Variants in TSTD2 observed in about 807,000 individuals in gnomAD.
The protein encoded by TSTD2 is thiosulfate sulfurtransferase/rhodanese-like domain-containing protein 2.
In TSTD2, 37 loss-of-function variants were observed where a neutral mutation model predicts 47.9. The ratio of observed to expected loss-of-function variants is 0.77; its 90% confidence interval spans 0.59 to 1.02. The LOEUF (loss-of-function observed/expected upper bound fraction) is 1.02. TSTD2 is among the 50% of genes least tolerant of loss of function. The pLI, the probability that TSTD2 is intolerant of heterozygous loss-of-function variation, is 0.00. For synonymous variants in TSTD2, 201 were observed against 215.9 expected (o/e 0.93, Z 0.61); for missense variants, 586 against 616.0 (o/e 0.95, Z 0.52).
At chr9:97,624,322 G>A (rs955939713) in intron 3 of TSTD2, among the ~76,000 whole-genome samples, 1 of 151,852 alleles carries the variant, frequency 6.6e-6, no homozygotes, top group Non-Finnish European at 1.5e-5. Flanking sequence ...GGCAGCCTAT[G>A]AAGAGACCCC....
At chr9:97,610,707 G>A (rs1011697138) in intron 5 of TSTD2, 5 of 267,462 alleles carry the variant, frequency 1.9e-5, no homozygotes, top group South Asian at 1.3e-4. Flanking sequence ...CTGCAACACC[G>A]CTGAGCAATT....
chr9:97,626,501 G>A (rs928987533), intron 2 of TSTD2, among the ~76,000 whole-genome samples: 1 of 152,040 alleles, frequency 6.6e-6, no homozygotes, highest in Non-Finnish European at 1.5e-5. Context: ...AAAAAGACCA[G>A]GAAGAAACGT....
At position 97,633,338 on chromosome 9, in the gene TSTD2, G is replaced by C. The variant is rs919640238; in HGVS notation, c.-146C>G. The stretch of plus-strand genomic sequence containing the variant: ...CCGCCCTCGAGCCTATTCCCCCGCC[G>C]CGTATTTGGGTAGAAAAGCTCGCTC... On this transcript the variant is annotated 5_prime_UTR_variant, in exon 1 of 10. Transcript: ENST00000341170. 5.7e-6 allele frequency: 2 copies of C among 352,830 alleles called. No individual in the cohort carries two copies. Among genetic ancestry groups the C allele is most frequent in the Non-Finnish European group, 1.0e-5 (2 of 197,048 alleles). 21.9% of individuals were successfully genotyped at this position (352,830 alleles called of 1,614,324 possible).
At chr9:97,616,876 CCTTA>C (rs1387209347) in intron 4 of TSTD2, among the ~76,000 whole-genome samples, 1 of 152,146 alleles carries the variant, frequency 6.6e-6, no homozygotes, top group African/African-American at 2.4e-5. Context: ...CCTAGATAAT[CCTTA>C]CTAACATTTT....
chr9:97,611,760 G>A (rs1826464758), intron 4 of TSTD2, 61 bp from the exon 5 acceptor site: 1 of 1,549,680 alleles, frequency 6.5e-7, no homozygotes, highest in Admixed American at 1.7e-5. Context: ...TCTTTCCAGG[G>A]AAGAACAATA....
rs1826452043 is a variant in TSTD2, at chr9:97,611,166, G to C, written c.729+408C>G. ...TTAAAGGGGAAAGGGGGCAGGTGCG[G>C]TATCTCACGTCCATATCTCAGCACT... On this transcript the variant is annotated intron_variant, in intron 5 of 9. Coordinates refer to ENST00000341170, the MANE Select transcript of TSTD2 (RefSeq NM_139246.5). 2.5e-5 allele frequency: 4 copies of C among 161,348 alleles called. No individual in the cohort carries two copies. The South Asian group carries it at 6.6e-4, about 27-fold the overall frequency. 10.0% of individuals were successfully genotyped at this position (161,348 alleles called of 1,614,324 possible).
Position 97,600,829 on chromosome 9 carries a change from G to C in TSTD2, c.*1640C>G, listed in dbSNP as rs1188607120. 1.9e-6 allele frequency: 2 copies of C among 1,075,206 alleles called. No homozygotes were observed. Among genetic ancestry groups the C allele is most frequent in the African/African-American group, 3.4e-5 (2 of 59,266 alleles). 66.6% of individuals were successfully genotyped at this position (1,075,206 alleles called of 1,614,324 possible). A position where few individuals can be genotyped will look rare whatever the true frequency, so the allele number is the denominator to read the frequency against. Reference sequence around the variant, plus strand: ...GCCAGATCTCTTTTTAACATCATGTGCGTCTCTTGGGATCCAGCAAAAGTG... The same window carrying C: ...GCCAGATCTCTTTTTAACATCATGTCCGTCTCTTGGGATCCAGCAAAAGTG... On this transcript the variant is annotated 3_prime_UTR_variant, in exon 10 of 10. Coordinates refer to ENST00000341170, the MANE Select transcript of TSTD2 (RefSeq NM_139246.5).
intron 4 of TSTD2, among the ~76,000 whole-genome samples, 187 bp downstream of exon 4, chr9:97,617,570 C>T (rs1368221737): frequency 1.3e-5 from 2 of 152,192 alleles, no homozygotes; most frequent in Non-Finnish European, 2.9e-5. Flanking sequence ...TGGTTTATGC[C>T]AGTAAATATT....
At position 97,627,480 on chromosome 9, in the gene TSTD2, A is replaced by T. The variant is rs773766866; in HGVS notation, c.83T>A (p.Met28Lys). The change falls in exon 2 of 10, where the codon ATG becomes AAG. Residue 28 changes from methionine (M) to lysine (K), a missense_variant. Transcript: ENST00000341170. ...ACTGCTGCTGGGATTAATAAGACTC[A>T]TATCTTTTAAATCCAGGTCAGAAAA... ...LRFSDLDLKD[M>K]SLINPSSSLK... 6.2e-7 allele frequency: 1 copy of T among 1,613,786 alleles called. No homozygotes were observed. Among genetic ancestry groups the T allele is most frequent in the South Asian group, 1.1e-5 (1 of 91,056 alleles).
intron 3 of TSTD2, among the ~76,000 whole-genome samples, chr9:97,622,028 G>T (rs1116208): frequency 6.6e-6 from 1 of 151,934 alleles, no homozygotes; most frequent in African/African-American, 2.4e-5. Flanking sequence ...AAATTTCTCT[G>T]TTTTGTACTC....
In TSTD2 at chr9:97,602,301, A is replaced by G. The variant is rs1826274572; in HGVS notation, c.*168T>C. 2 of 740,348 alleles carry G rather than the reference A, an allele frequency of 2.7e-6. No homozygotes were observed. The highest frequency in any genetic ancestry group is 2.0e-5 in the South Asian group (1 of 49,964). 45.9% of individuals were successfully genotyped at this position (740,348 alleles called of 1,614,324 possible). ...AGAATGTCTCAGGTAAGTGGTAGACAACGTGACTCCTCCCCTCCCGCTGTG... is the reference window on the plus strand; with the variant it reads ...AGAATGTCTCAGGTAAGTGGTAGACGACGTGACTCCTCCCCTCCCGCTGTG... On this transcript the variant is annotated 3_prime_UTR_variant, in exon 10 of 10. Coordinates refer to ENST00000341170, the MANE Select transcript of TSTD2 (RefSeq NM_139246.5).
rs573076773 is a variant in TSTD2, at chr9:97,600,200, A to G, written c.*2269T>C. ...TTTGAAAACCTCGATTAAAGTTGCC[A>G]AATTGATTACTGGATCCAGAACACA... On this transcript the variant is annotated 3_prime_UTR_variant, in exon 10 of 10. Coordinates refer to ENST00000341170, the MANE Select transcript of TSTD2 (RefSeq NM_139246.5). The G allele has an allele frequency of 3.0e-5, 30 of 995,742 alleles. 1 individual carries two copies. In the South Asian group the frequency reaches 1.1e-3, roughly 37 times the overall value. 61.7% of individuals were successfully genotyped at this position (995,742 alleles called of 1,614,324 possible). A position where few individuals can be genotyped will look rare whatever the true frequency, so the allele number is the denominator to read the frequency against.
chr9:97,617,744 G>C lies in TSTD2; in HGVS notation c.603+13C>G. On this transcript the variant is annotated intron_variant, in intron 4 of 9. Coordinates refer to ENST00000341170, the MANE Select transcript of TSTD2 (RefSeq NM_139246.5). ...GGACCCAGTGAAGGAAGGAATATAG[G>C]AGAAGGTGTTACCTTGCCTGTGAGG... 1 of 1,610,638 alleles carries C rather than the reference G, an allele frequency of 6.2e-7. No homozygotes were observed. Among genetic ancestry groups the C allele is most frequent in the South Asian group, 1.1e-5 (1 of 90,568 alleles).
At chr9:97,607,911 G>T (rs1014517191) in intron 6 of TSTD2, among the ~76,000 whole-genome samples, 1 of 152,118 alleles carries the variant, frequency 6.6e-6, no homozygotes, top group African/African-American at 2.4e-5. Flanking sequence ...CGTGGGTGAG[G>T]CAGCTCTCGC....
chr9:97,609,352 A>G (rs1016854876), intron 6 of TSTD2, among the ~76,000 whole-genome samples: 5 of 152,196 alleles, frequency 3.3e-5, no homozygotes, highest in African/African-American at 7.2e-5. Context: ...ACAGAGAAAT[A>G]TATCTTGGGA....
At position 97,604,768 on chromosome 9, in the gene TSTD2, T is replaced by C; in HGVS notation, c.1211A>G (p.Asp404Gly). The part of the protein sequence containing the change: ...GFYKGKLFVF[D>G]ERYALSYNSD... ...GTTGTAGGACAGAGCATAGCGTTCA[T>C]CAAAAACAAACAACTTCCCTTTGTA... Residue 404 changes from aspartate (D) to glycine (G), a missense_variant, in exon 9 of 10, where the codon GAT becomes GGT. By Grantham distance (94) the Asp-to-Gly change is moderately conservative. Transcript: ENST00000341170. The C allele has an allele frequency of 1.2e-6, 2 of 1,614,158 alleles. No homozygotes were observed. Among genetic ancestry groups the C allele is most frequent in the Non-Finnish European group, 1.7e-6 (2 of 1,180,020 alleles).
At chr9:97,626,069 ATTC>A in intron 2 of TSTD2, 72 bp from the exon 3 acceptor site, 1 of 1,400,622 alleles carries the variant, frequency 7.1e-7, no homozygotes, top group Non-Finnish European at 9.6e-7. Flanking sequence ...TCTCACTAAG[ATTC>A]TTTAGATTAT....
At chr9:97,613,795 GAC>G (rs1826495997) in intron 4 of TSTD2, among the ~76,000 whole-genome samples, 1 of 150,496 alleles carries the variant, frequency 6.6e-6, no homozygotes, top group African/African-American at 2.4e-5. Flanking sequence ...GTCCAGAGAA[GAC>G]ACATCAGTTG....
At chr9:97,605,911 T>C (rs1202057605) in intron 7 of TSTD2, among the ~76,000 whole-genome samples, 1 of 152,244 alleles carries the variant, frequency 6.6e-6, no homozygotes, top group Non-Finnish European at 1.5e-5. Context: ...GGCAGGCTCA[T>C]GGGAGTCACA....
Sources: allele counts gnomAD v4.1 joint callset (sites outside exome capture counted in the v4.1 genomes callset), GRCh38; gene constraint gnomAD v4.1.1; transcripts MANE v1.5; gene names NCBI Gene and HGNC (gene_info 2026-07-23, HGNC 2026-07-21).